LIMS1: variants seen among roughly 807,000 people sequenced by gnomAD.
LIMS1 encodes the protein LIM and senescent cell antigen-like-containing domain protein 1.
In LIMS1, 18 loss-of-function variants were observed where a neutral mutation model predicts 44.1. That is an observed-to-expected ratio of 0.41 (90% CI 0.28 to 0.61). The LOEUF (loss-of-function observed/expected upper bound fraction) is 0.61. Ranked by LOEUF, LIMS1 falls within the 20% of genes least tolerant of loss-of-function variation. LIMS1 has a pLI of 0.32. For synonymous variants in LIMS1, 93 were observed against 149.1 expected, an observed-to-expected ratio of 0.62 and a Z score of 2.74; for missense variants, 201 against 422.0, an observed-to-expected ratio of 0.48 and a Z score of 4.59.
At chr2:108,668,274 A>G (rs1025756496) in intron 2 of LIMS1, among the ~76,000 whole-genome samples, 2 of 152,240 alleles carry the variant, frequency 1.3e-5, no homozygotes, top group African/African-American at 4.8e-5. Context: ...GCAATATATT[A>G]TTAACCAAAG....
At chr2:108,662,249 C>G (rs1691430407) in intron 2 of LIMS1, 1 of 1,611,938 alleles carries the variant, frequency 6.2e-7, no homozygotes, top group Admixed American at 1.7e-5. Flanking sequence ...GATGGTTAAG[C>G]TACCTTCATT....
chr2:108,628,857 G>C (rs1688735786), intron 1 of LIMS1, among the ~76,000 whole-genome samples: 1 of 152,200 alleles, frequency 6.6e-6, no homozygotes, highest in African/African-American at 2.4e-5. Flanking sequence ...CTATCACCCA[G>C]GCTGGAGTGC....
intron 1 of LIMS1, among the ~76,000 whole-genome samples, chr2:108,568,311 C>T (rs1453021473): frequency 6.6e-6 from 1 of 152,174 alleles, no homozygotes; most frequent in African/African-American, 2.4e-5. Context: ...GACTGGCTTT[C>T]TATTTCACTT....
chr2:108,649,953 C>T (rs1449986105), intron 1 of LIMS1, among the ~76,000 whole-genome samples: 1 of 152,054 alleles, frequency 6.6e-6, no homozygotes, highest in Non-Finnish European at 1.5e-5. Context: ...GTACCTACCT[C>T]GAACTTGAAG....
At chr2:108,587,290 T>TTGTGTGTGTG (rs58815332) in intron 1 of LIMS1, among the ~76,000 whole-genome samples, 187 of 106,056 alleles carry the variant, frequency 1.8e-3, no homozygotes, top group Middle Eastern at 4.7e-3. Flanking sequence ...TTCTTGGGGT[T>TTGTGTGTGTG]TGTGTGTGTG....
At chr2:108,600,524 T>G (rs1360729116) in intron 1 of LIMS1, among the ~76,000 whole-genome samples, 1 of 152,240 alleles carries the variant, frequency 6.6e-6, no homozygotes, top group Non-Finnish European at 1.5e-5. Context: ...AGTCTTTAAT[T>G]CATTTTGATT....
At chr2:108,579,251 A>T (rs898849300) in intron 1 of LIMS1, among the ~76,000 whole-genome samples, 23 of 152,176 alleles carry the variant, frequency 1.5e-4, no homozygotes, top group Non-Finnish European at 2.8e-4. Flanking sequence ...TATTTTATGG[A>T]TATTAAAGCT....
intron 1 of LIMS1, among the ~76,000 whole-genome samples, chr2:108,642,467 C>T (rs547182940): frequency 1.3e-4 from 19 of 148,458 alleles, no homozygotes; most frequent in Middle Eastern, 3.4e-3. Flanking sequence ...TCACGCCATT[C>T]TCCTGCCTCA....
intron 1 of LIMS1, among the ~76,000 whole-genome samples, chr2:108,649,369 T>G (rs1573550913): frequency 6.6e-6 from 1 of 152,340 alleles, no homozygotes; most frequent in Middle Eastern, 3.4e-3. Flanking sequence ...ACTTTTACAC[T>G]GTTGGTGGGA....
At chr2:108,650,876 T>C (rs1224380892) in intron 1 of LIMS1, among the ~76,000 whole-genome samples, 1 of 152,192 alleles carries the variant, frequency 6.6e-6, no homozygotes, top group African/African-American at 2.4e-5. Flanking sequence ...ATTCATTCAT[T>C]CATTCAGCAG....
intron 1 of LIMS1, among the ~76,000 whole-genome samples, chr2:108,612,835 G>A (rs1472547776): frequency 6.6e-6 from 1 of 152,154 alleles, no homozygotes; most frequent in Non-Finnish European, 1.5e-5. Flanking sequence ...CGGGGCTTGC[G>A]CTGCGGCTCC....
At chr2:108,608,557 G>A (rs1171436065) in intron 1 of LIMS1, among the ~76,000 whole-genome samples, 1 of 152,082 alleles carries the variant, frequency 6.6e-6, no homozygotes, top group Non-Finnish European at 1.5e-5. Flanking sequence ...GCCCTCCTCG[G>A]CCTCCCAAAG....
chr2:108,559,300 G>A (rs1685033129), intron 1 of LIMS1, among the ~76,000 whole-genome samples: 1 of 152,162 alleles, frequency 6.6e-6, no homozygotes, highest in African/African-American at 2.4e-5. Context: ...AATGTCCTCA[G>A]CGACATTAAA....
At chr2:108,669,602 C>G (rs1416925969) in intron 2 of LIMS1, among the ~76,000 whole-genome samples, 1 of 151,758 alleles carries the variant, frequency 6.6e-6, no homozygotes, top group African/African-American at 2.4e-5. Context: ...TTTTAATAAT[C>G]AAACAGTGTA....
At chr2:108,676,879 G>C (rs1159151477) in intron 7 of LIMS1, 181 bp downstream of exon 7, 34 of 655,910 alleles carry the variant, frequency 5.2e-5, no homozygotes, top group Non-Finnish European at 4.9e-6. Context: ...AAGAATACCT[G>C]TATGTCTTTC....
chr2:108,563,087 C>T (rs1176281427), intron 1 of LIMS1, among the ~76,000 whole-genome samples: 1 of 152,148 alleles, frequency 6.6e-6, no homozygotes, highest in Non-Finnish European at 1.5e-5. Context: ...ATTTTAAGCC[C>T]ACTGTTGAGA....
intron 2 of LIMS1, chr2:108,662,290 T>G: frequency 6.2e-7 from 1 of 1,612,052 alleles, no homozygotes; most frequent in South Asian, 1.1e-5. Flanking sequence ...GAGCTCCTGC[T>G]GCCGCATTTA....
chr2:108,538,886 C>A (rs1193926257), intron 1 of LIMS1, among the ~76,000 whole-genome samples: 1 of 152,110 alleles, frequency 6.6e-6, no homozygotes, highest in African/African-American at 2.4e-5. Flanking sequence ...CTTGCAATTG[C>A]TTTTTTACTT....
intron 2 of LIMS1, among the ~76,000 whole-genome samples, chr2:108,663,869 C>T (rs1191910824): frequency 6.6e-6 from 1 of 152,030 alleles, no homozygotes; most frequent in African/African-American, 2.4e-5. Context: ...CTTCTCCTGC[C>T]TGAGGCTCCC....
Sources: allele counts gnomAD v4.1 joint callset (sites outside exome capture counted in the v4.1 genomes callset), GRCh38; gene constraint gnomAD v4.1.1; transcripts MANE v1.5; gene names NCBI Gene and HGNC (gene_info 2026-07-23, HGNC 2026-07-21).